PKD2: variants seen among roughly 807,000 people sequenced by gnomAD.
PKD2 encodes the protein polycystin-2.
Under a neutral mutation model 105.9 loss-of-function variants are expected in PKD2, and 48 were observed. The ratio of observed to expected loss-of-function variants is 0.45; its 90% confidence interval spans 0.36 to 0.58. PKD2 has a LOEUF of 0.58. Ranked by LOEUF, PKD2 falls within the 20% of genes least tolerant of loss-of-function variation. The pLI is 0.00. For missense variants in PKD2, 1,078 were observed against 1,255.3 expected, an observed-to-expected ratio of 0.86 and a Z score of 2.13; for synonymous variants, 464 against 481.1, an observed-to-expected ratio of 0.96 and a Z score of 0.46.
chr4:88,030,924 T>C (rs2725225), intron 2 of PKD2, among the ~76,000 whole-genome samples: 74,709 of 152,098 alleles, frequency 0.49, 18,993 homozygotes, highest in East Asian at 0.71. Context: ...AGTTCAAGCC[T>C]AATAATTCCT....
rs886059694 is a variant in PKD2 at position 88,007,887 on chromosome 4, C to T, written c.154C>T (p.Leu52=). The change falls in exon 1 of 15, where the codon CTG becomes TTG. Residue 52 remains leucine, a synonymous_variant. Coordinates refer to ENST00000237596, the MANE Select transcript of PKD2 (RefSeq NM_000297.4). ...GGGCGGCCTCTGCGAGCAGCGGGGCCTGGAGATCGAGATGCAGCGCATCCG... is the reference window on the plus strand; with the variant it reads ...GGGCGGCCTCTGCGAGCAGCGGGGCTTGGAGATCGAGATGCAGCGCATCCG... ...APGGLCEQRG[L]EIEMQRIRQA... 7.3e-7 allele frequency: 1 copy of T among 1,377,046 alleles called. No individual in the cohort carries two copies. The highest frequency in any genetic ancestry group is 1.6e-5 in the South Asian group (1 of 62,500). The allele number at this position is 1,377,046 out of a possible 1,614,324, so 85.3% of individuals were successfully genotyped here. A position where few individuals can be genotyped will look rare whatever the true frequency, so the allele number is the denominator to read the frequency against.
chr4:88,034,106 G>T (rs1033838900), intron 2 of PKD2, among the ~76,000 whole-genome samples: 16 of 152,126 alleles, frequency 1.1e-4, no homozygotes, highest in African/African-American at 3.9e-4. Context: ...TCTGCCCCAA[G>T]ACAGTTCTGA....
At chr4:88,022,266 C>G (rs1726779994) in intron 2 of PKD2, among the ~76,000 whole-genome samples, 1 of 152,280 alleles carries the variant, frequency 6.6e-6, no homozygotes, top group East Asian at 1.9e-4. Context: ...TGGATTCATT[C>G]ATCTCACATC....
At chr4:88,043,183 A>G (rs571478005) in intron 4 of PKD2, 50 bp from the exon 5 acceptor site, 4 of 1,166,950 alleles carry the variant, frequency 3.4e-6, no homozygotes, top group Middle Eastern at 2.0e-4. Flanking sequence ...AATTGCCTCA[A>G]GTGTTCCACT....
At chr4:88,037,264 AAAAC>A (rs892302283) in intron 3 of PKD2, among the ~76,000 whole-genome samples, 5 of 151,982 alleles carry the variant, frequency 3.3e-5, no homozygotes, top group Non-Finnish European at 4.4e-5. Flanking sequence ...AAAAAACCCA[AAAAC>A]AAACAAAAAA....
intron 12 of PKD2, among the ~76,000 whole-genome samples, chr4:88,067,270 A>G (rs1404317135): frequency 6.6e-6 from 1 of 152,234 alleles, no homozygotes; most frequent in Non-Finnish European, 1.5e-5. Flanking sequence ...ATTCCAAAAT[A>G]TTTTTGAAAA....
chr4:88,034,119 G>A (rs1326359609), intron 2 of PKD2, among the ~76,000 whole-genome samples: 2 of 152,124 alleles, frequency 1.3e-5, no homozygotes, highest in Non-Finnish European at 2.9e-5. Context: ...AGTTCTGAGA[G>A]GTAGTAAGTC....
At chr4:88,070,601 T>TATATATATAGAGAGAG (rs1313482750) in intron 13 of PKD2, among the ~76,000 whole-genome samples, 1 of 91,482 alleles carries the variant, frequency 1.1e-5, no homozygotes, top group African/African-American at 4.2e-5. Flanking sequence ...TATATATATA[T>TATATATATAGAGAGAG]AGAGAGAGAG....
rs557022018 is a variant in PKD2 at position 88,022,022 on chromosome 4, C to T, written c.709+2451C>T. On this transcript the variant is annotated intron_variant, in intron 2 of 14. Coordinates refer to ENST00000237596, the MANE Select transcript of PKD2 (RefSeq NM_000297.4). ...CATGGTGAGTGGGGCCATGAGATTCCTAAACCAGACACTACACTGTGGCTT... is the reference window on the plus strand; with the variant it reads ...CATGGTGAGTGGGGCCATGAGATTCTTAAACCAGACACTACACTGTGGCTT... Among the ~76,000 whole-genome samples, 12 of 152,272 alleles carry T rather than the reference C, an allele frequency of 7.9e-5. No individual in the cohort carries two copies. In the South Asian group the frequency reaches 2.3e-3, roughly 29 times the overall value.
chr4:88,055,194 T>G lies in PKD2; in HGVS notation c.1717-892T>G, dbSNP rs1720277881. On this transcript the variant is annotated intron_variant, in intron 7 of 14. Transcript: ENST00000237596. ...CAGCTGGCTGCAGGCCCCAGCTGACTCCTGGGGATAGAATGCCAATATTTC... is the reference window on the plus strand; with the variant it reads ...CAGCTGGCTGCAGGCCCCAGCTGACGCCTGGGGATAGAATGCCAATATTTC... 1.3e-5 allele frequency among the ~76,000 whole-genome samples: 2 copies of G among 152,244 alleles called. 1 individual carries two copies. The highest frequency in any genetic ancestry group is 4.1e-4 in the South Asian group (2 of 4,838).
intron 1 of PKD2, among the ~76,000 whole-genome samples, chr4:88,017,386 C>T (rs997608239): frequency 2.0e-5 from 3 of 152,112 alleles, no homozygotes; most frequent in East Asian, 1.9e-4. Context: ...ATTAAATTGC[C>T]GTAGGCCATC....
In PKD2 at chr4:88,013,571, ACATGC is replaced by A. The variant is rs1726456739; in HGVS notation, c.595+5245_595+5249del. On this transcript the variant is annotated intron_variant, in intron 1 of 14. Coordinates refer to ENST00000237596, the MANE Select transcript of PKD2 (RefSeq NM_000297.4). Reference sequence around the variant, plus strand: ...ACAAAAATTAGCCAGGCAGGGTGGCACATGCCTGTGGTCCCAGTTATTTGGGAGTT... The same window carrying A: ...ACAAAAATTAGCCAGGCAGGGTGGCACTGTGGTCCCAGTTATTTGGGAGTT... 5.9e-5 allele frequency among the ~76,000 whole-genome samples: 9 copies of A among 152,156 alleles called. No homozygotes were observed. In the South Asian group the frequency reaches 1.7e-3, roughly 28 times the overall value.
intron 1 of PKD2, among the ~76,000 whole-genome samples, chr4:88,016,581 T>C (rs2110086837): frequency 6.6e-6 from 1 of 152,204 alleles, no homozygotes; most frequent in African/African-American, 2.4e-5. Context: ...CTAAGATTGG[T>C]CCTACATACA....
At chr4:88,009,623 A>T (rs1389989811) in intron 1 of PKD2, among the ~76,000 whole-genome samples, 1 of 152,202 alleles carries the variant, frequency 6.6e-6, no homozygotes, top group East Asian at 1.9e-4. Context: ...AAATGTAAAC[A>T]TTTTGGTACT....
At chr4:88,012,607 T>C (rs1165311215) in intron 1 of PKD2, among the ~76,000 whole-genome samples, 1 of 152,198 alleles carries the variant, frequency 6.6e-6, no homozygotes, top group Non-Finnish European at 1.5e-5. Context: ...AAGTATATAA[T>C]TGAGTGACAT....
intron 7 of PKD2, among the ~76,000 whole-genome samples, chr4:88,054,829 T>C (rs1239195538): frequency 2.0e-5 from 3 of 151,902 alleles, no homozygotes; most frequent in Non-Finnish European, 4.4e-5. Flanking sequence ...TAATTTTTTA[T>C]ATTTTTAGTA....
intron 4 of PKD2, among the ~76,000 whole-genome samples, chr4:88,043,026 C>A (rs1467985987): frequency 1.3e-5 from 2 of 152,170 alleles, no homozygotes; most frequent in Non-Finnish European, 2.9e-5. Flanking sequence ...ACATTGACCT[C>A]ACTAAGCCTC....
rs768601176 is a variant in PKD2 at position 88,067,978 on chromosome 4, G to A, written c.2439G>A (p.Glu813=). ...TCCCTCGAAGCCTGGATGACTCTGAGGAGGATGACGATGAAGATAGCGGAC... is the reference window on the plus strand; with the variant it reads ...TCCCTCGAAGCCTGGATGACTCTGAAGAGGATGACGATGAAGATAGCGGAC... ...RSFPRSLDDS[E]EDDDEDSGHS... Residue 813 remains glutamate (E), a synonymous_variant, in exon 13 of 15, where the codon GAG becomes GAA. Transcript: ENST00000237596. 6.2e-7 allele frequency: 1 copy of A among 1,614,014 alleles called. No homozygotes were observed.
intron 10 of PKD2, among the ~76,000 whole-genome samples, chr4:88,063,531 CAA>C (rs202112108): frequency 1.0e-5 from 1 of 98,084 alleles, no homozygotes. Flanking sequence ...AACTCCGTCT[CAA>C]AAAAAAAAAA....
Sources: gnomAD v4.1 joint callset for allele counts (sites outside exome capture counted in the v4.1 genomes callset) on GRCh38, gnomAD v4.1.1 for gene constraint, MANE v1.5 for transcripts, NCBI Gene and HGNC (gene_info 2026-07-23, HGNC 2026-07-21) for gene names.